The following NAALADL2 variants were observed in gnomAD, a reference collection of about 807,000 sequenced individuals.
NAALADL2 encodes the protein N-acetylated alpha-linked acidic dipeptidase like 2.
In NAALADL2, 76 loss-of-function variants were observed where a neutral mutation model predicts 87.2. That is an observed-to-expected ratio of 0.87 (90% CI 0.72 to 1.05). The LOEUF (loss-of-function observed/expected upper bound fraction) is 1.05. Among genes scored for constraint, NAALADL2 ranks in the 50% least tolerant of loss-of-function variants. NAALADL2 has a pLI of 0.00. For synonymous variants in NAALADL2, 354 were observed against 331.0 expected (o/e 1.07, Z -0.75); for missense variants, 1,089 against 945.8 (o/e 1.15, Z -1.99).
chr3:175,601,944 C>T (rs1424440992), intron 10 of NAALADL2, among the ~76,000 whole-genome samples: 1 of 152,108 alleles, frequency 6.6e-6, no homozygotes, highest in Non-Finnish European at 1.5e-5. Flanking sequence ...AATTTGTCAG[C>T]ATTTATTTAC....
At chr3:175,576,324 G>A in intron 10 of NAALADL2, 137 bp downstream of exon 10, 1 of 743,176 alleles carries the variant, frequency 1.3e-6, no homozygotes, top group Non-Finnish European at 2.2e-6. Flanking sequence ...AGTTATTCTT[G>A]CTTTTTCAAA....
At chr3:174,579,454 C>T (rs1040076982) in intron 2 of NAALADL2, among the ~76,000 whole-genome samples, 3 of 151,904 alleles carry the variant, frequency 2.0e-5, no homozygotes, top group African/African-American at 7.2e-5. Context: ...AAGCTAGACT[C>T]CCAAGAGTAT....
chr3:175,008,588 A>G (rs1262335157), intron 1 of NAALADL2, among the ~76,000 whole-genome samples: 1 of 152,170 alleles, frequency 6.6e-6, no homozygotes, highest in Non-Finnish European at 1.5e-5. Context: ...TATACTAAGT[A>G]AAGAGAATCA....
rs193262292 is a variant in NAALADL2, at chr3:174,757,959, T to A, written c.-9+20213T>A. Among the ~76,000 whole-genome samples the A allele has an allele frequency of 3.3e-3, 496 of 152,328 alleles. 3 individuals are homozygous for A. The highest frequency in any genetic ancestry group is 0.013 in the South Asian group (61 of 4,828). On this transcript the variant is annotated intron_variant, in intron 3 of 3. Coordinates refer to the NAALADL2 transcript ENST00000434257. ...AGTACAGGAATAGTGAGTAAAATAG[T>A]TGATTTTAACTTTTGTTTTCCAGAA...
At chr3:174,631,794 A>G (rs1350946382) in intron 2 of NAALADL2, 4 of 152,196 alleles carry the variant, frequency 2.6e-5, no homozygotes, top group African/African-American at 7.2e-5. Context: ...TTCTTGTCTC[A>G]GCAAATGTTT....
intron 11 of NAALADL2, among the ~76,000 whole-genome samples, chr3:175,647,146 T>C (rs1185926035): frequency 1.3e-5 from 2 of 152,010 alleles, no homozygotes; most frequent in African/African-American, 2.4e-5. Context: ...CCAAAGCGAG[T>C]CATATGGCCA....
At chr3:174,883,112 TG>T (rs1560320547) in intron 1 of NAALADL2, among the ~76,000 whole-genome samples, 1 of 151,944 alleles carries the variant, frequency 6.6e-6, no homozygotes, top group Admixed American at 6.6e-5. Context: ...GCTAGACCAG[TG>T]TATCTTTTCA....
At chr3:175,387,324 A>G (rs1010632178) in intron 5 of NAALADL2, among the ~76,000 whole-genome samples, 3 of 152,100 alleles carry the variant, frequency 2.0e-5, no homozygotes, top group Non-Finnish European at 4.4e-5. Context: ...AAAGTGTTTT[A>G]TTTTTATCAT....
chr3:175,049,958 C>T (rs1264000243), intron 1 of NAALADL2, among the ~76,000 whole-genome samples: 2 of 151,588 alleles, frequency 1.3e-5, no homozygotes, highest in African/African-American at 2.4e-5. Flanking sequence ...CAGCTGGGGC[C>T]ACTCTTTGTG....
intron 1 of NAALADL2, among the ~76,000 whole-genome samples, chr3:174,494,875 G>C (rs1449422457): frequency 6.6e-6 from 1 of 152,124 alleles, no homozygotes; most frequent in African/African-American, 2.4e-5. Context: ...GTTTGCAGGA[G>C]AAAGCACTTT....
chr3:175,790,198 T>C (rs1000067674), intron 13 of NAALADL2, among the ~76,000 whole-genome samples: 1 of 151,838 alleles, frequency 6.6e-6, no homozygotes, highest in African/African-American at 2.4e-5. Flanking sequence ...TATCAATCAA[T>C]AAAATTGGCT....
intron 2 of NAALADL2, among the ~76,000 whole-genome samples, chr3:175,203,434 T>C (rs1740366551): frequency 6.6e-6 from 1 of 152,170 alleles, no homozygotes; most frequent in African/African-American, 2.4e-5. Flanking sequence ...GGATGTGTAT[T>C]TGGAAGAGGA....
intron 5 of NAALADL2, among the ~76,000 whole-genome samples, chr3:175,356,605 AT>A (rs1560421626): frequency 4.1e-4 from 54 of 133,330 alleles, no homozygotes; most frequent in African/African-American, 1.3e-3. Context: ...AATAATAATA[AT>A]AATAAAGAAA....
intron 4 of NAALADL2, among the ~76,000 whole-genome samples, chr3:175,316,904 T>A (rs1449493193): frequency 6.6e-6 from 1 of 152,132 alleles, no homozygotes; most frequent in East Asian, 1.9e-4. Context: ...GTGTCTTTAT[T>A]TCTAAATTAA....
intron 1 of NAALADL2, among the ~76,000 whole-genome samples, chr3:175,085,029 T>G (rs986775040): frequency 6.6e-6 from 1 of 152,174 alleles, no homozygotes. Flanking sequence ...AAGGTCATAC[T>G]ACAAAATTTT....
At chr3:175,372,155 T>C (rs1208313261) in intron 5 of NAALADL2, among the ~76,000 whole-genome samples, 4 of 152,216 alleles carry the variant, frequency 2.6e-5, no homozygotes, top group African/African-American at 9.6e-5. Flanking sequence ...CGTGTTGCCC[T>C]GCAGACTTTA....
chr3:174,499,699 C>T (rs1191366518), intron 1 of NAALADL2, among the ~76,000 whole-genome samples: 2 of 151,692 alleles, frequency 1.3e-5, no homozygotes, highest in Non-Finnish European at 2.9e-5. Flanking sequence ...ACTAAATTGT[C>T]TTTTTTTTAA....
intron 2 of NAALADL2, among the ~76,000 whole-genome samples, chr3:175,129,547 A>G (rs1426854551): frequency 6.6e-6 from 1 of 152,188 alleles, no homozygotes; most frequent in African/African-American, 2.4e-5. Flanking sequence ...TAGAGTCTGC[A>G]TAAAAGTGTA....
chr3:175,065,100 G>T (rs1580265168), intron 1 of NAALADL2, among the ~76,000 whole-genome samples: 1 of 152,232 alleles, frequency 6.6e-6, no homozygotes, highest in Non-Finnish European at 1.5e-5. Flanking sequence ...TATGAAGGCA[G>T]CTAGGAGACC....
Sources: gnomAD v4.1 joint callset for allele counts (sites outside exome capture counted in the v4.1 genomes callset) on GRCh38, gnomAD v4.1.1 for gene constraint, MANE v1.5 for transcripts, NCBI Gene and HGNC (gene_info 2026-07-23, HGNC 2026-07-21) for gene names.